Variants in TBC1D10A observed in about 807,000 individuals in gnomAD.
TBC1D10A encodes TBC1 domain family member 10A.
A neutral mutation model predicts 52.9 loss-of-function variants in TBC1D10A; 24 were observed. The ratio of observed to expected loss-of-function variants is 0.45; its 90% CI spans 0.33 to 0.64. The LOEUF is 0.64. Ranked by LOEUF, TBC1D10A falls within the 30% of genes least tolerant of loss-of-function variation. The pLI is 0.02. For missense variants in TBC1D10A, 602 were observed against 687.9 expected (o/e 0.88, Z 1.40); for synonymous variants, 278 against 282.9 (o/e 0.98, Z 0.17).
chr22:30,320,884 GAT>G (rs1214954148), intron 1 of TBC1D10A, among the ~76,000 whole-genome samples: 7 of 152,220 alleles, frequency 4.6e-5, no homozygotes, highest in Admixed American at 4.6e-4. Flanking sequence ...ACATGTCCAA[GAT>G]CACACAGCCA....
At position 30,293,775 on chromosome 22, in the gene TBC1D10A, A is replaced by G. The variant is rs752639120; in HGVS notation, c.926T>C (p.Val309Ala). The G allele has an allele frequency of 1.2e-6, 2 of 1,612,282 alleles. No homozygotes were observed. The highest frequency in any genetic ancestry group is 2.2e-5 in the South Asian group (2 of 91,074). The change falls in exon 8 of 9, where the codon GTG becomes GCG. Residue 309 changes from valine to alanine, a missense_variant. Transcript: ENST00000215790. ...GGAGCCCAGCGCGTGCTTCAGCAGC[A>G]CCAGCCCCACCCGGAAGATGATCTT... ...GVKIIFRVGLVLLKHALGSPE... is the reference protein window; with the variant it reads ...GVKIIFRVGLALLKHALGSPE...
chr22:30,296,023 C>A, intron 3 of TBC1D10A, 180 bp from the exon 4 acceptor site: 1 of 616,244 alleles, frequency 1.6e-6, no homozygotes, highest in Non-Finnish European at 2.8e-6. Context: ...AATGCCTGGG[C>A]AGGGGCAAAG....
At chr22:30,300,214 G>T (rs868413076) in intron 2 of TBC1D10A, among the ~76,000 whole-genome samples, 1 of 151,852 alleles carries the variant, frequency 6.6e-6, no homozygotes, top group Non-Finnish European at 1.5e-5. Flanking sequence ...CTGGGGAGCC[G>T]AGAAGGGCAG....
intron 1 of TBC1D10A, among the ~76,000 whole-genome samples, chr22:30,323,841 C>T (rs1930709298): frequency 6.6e-6 from 1 of 152,052 alleles, no homozygotes; most frequent in Non-Finnish European, 1.5e-5. Context: ...GTGATGGGTG[C>T]AATCTCTGCC....
intron 1 of TBC1D10A, among the ~76,000 whole-genome samples, chr22:30,322,963 C>A (rs572576652): frequency 6.7e-6 from 1 of 149,236 alleles, no homozygotes; most frequent in Admixed American, 6.7e-5. Context: ...CACAGTGGCA[C>A]CATCTTGGCT....
intron 2 of TBC1D10A, among the ~76,000 whole-genome samples, chr22:30,304,235 T>TA (rs1384605581): frequency 2.6e-5 from 4 of 152,230 alleles, no homozygotes; most frequent in Admixed American, 6.5e-5. Context: ...AAGCAGCACT[T>TA]AAGTCCTTCC....
At position 30,292,487 on chromosome 22, in the gene TBC1D10A, T is replaced by C; in HGVS notation, c.1415A>G (p.Lys472Arg). 6.2e-7 allele frequency: 1 copy of C among 1,607,742 alleles called. No individual in the cohort carries two copies. Among genetic ancestry groups the C allele is most frequent in the Non-Finnish European group, 8.5e-7 (1 of 1,176,804 alleles). ...GGCTGAGTCCTTGGGGGCTGAGTCCTTCGGGGGCACATGCTGTGGGGGACA... is the reference window on the plus strand; with the variant it reads ...GGCTGAGTCCTTGGGGGCTGAGTCCCTCGGGGGCACATGCTGTGGGGGACA... The part of the protein sequence containing the change: ...DACPPQHVPP[K>R]DSAPKDSAPQ... The change falls in exon 9 of 9, where the codon AAG becomes AGG. Residue 472 changes from lysine to arginine, a missense_variant. By Grantham distance (26) the Lys-to-Arg change is conservative. This residue lies in a region of TBC1D10A where 265 missense variants were observed against 275.1 expected (regional missense o/e 0.96). Transcript: ENST00000215790.
intron 1 of TBC1D10A, among the ~76,000 whole-genome samples, chr22:30,321,368 G>A (rs903659761): frequency 1.3e-5 from 2 of 152,190 alleles, no homozygotes; most frequent in Non-Finnish European, 2.9e-5. Flanking sequence ...ATCTGTAACA[G>A]CTCAAGAAAA....
intron 1 of TBC1D10A, among the ~76,000 whole-genome samples, chr22:30,315,397 T>A (rs1317633957): frequency 6.6e-6 from 1 of 152,180 alleles, no homozygotes; most frequent in Non-Finnish European, 1.5e-5. Flanking sequence ...ACAATACTCC[T>A]GCTCCCAATG....
chr22:30,293,855 T>C (rs1314480504), intron 7 of TBC1D10A, 50 bp from the exon 8 acceptor site: 9 of 1,601,694 alleles, frequency 5.6e-6, no homozygotes, highest in Middle Eastern at 1.7e-4. Context: ...GGGGTTTCTC[T>C]GCAAAGAGAG....
chr22:30,307,793 C>T (rs1930339613), intron 1 of TBC1D10A: 1 of 152,178 alleles, frequency 6.6e-6, no homozygotes, highest in South Asian at 2.1e-4. Flanking sequence ...TCATTCTCCC[C>T]TTTTTATTTT....
chr22:30,321,504 C>T (rs1930651985), intron 1 of TBC1D10A, among the ~76,000 whole-genome samples: 1 of 152,248 alleles, frequency 6.6e-6, no homozygotes, highest in South Asian at 2.1e-4. Context: ...CCAATTAAGC[C>T]AGTTCTATGA....
At chr22:30,320,003 A>G (rs1930619824) in intron 1 of TBC1D10A, among the ~76,000 whole-genome samples, 3 of 152,196 alleles carry the variant, frequency 2.0e-5, no homozygotes, top group South Asian at 4.1e-4. Flanking sequence ...ACTGGGTGAC[A>G]GTCGGAGGAC....
intron 2 of TBC1D10A, among the ~76,000 whole-genome samples, chr22:30,302,088 C>T (rs1005863074): frequency 1.3e-5 from 2 of 152,170 alleles, no homozygotes; most frequent in African/African-American, 4.8e-5. Context: ...GAACACTTCG[C>T]GGGCAGCAAA....
rs748342362 is a variant in TBC1D10A at position 30,295,888 on chromosome 22, G to A, written c.418-45C>T. The stretch of plus-strand genomic sequence containing the variant: ...TTAGGGGCTGGGGAGGATGGAGGTG[G>A]GCTTTGCTGACAGGACACGGCTGCC... On this transcript the variant is annotated intron_variant, in intron 3 of 8. Transcript: ENST00000215790. The A allele has an allele frequency of 3.2e-6, 5 of 1,560,612 alleles. No homozygotes were observed. The South Asian group carries it at 5.8e-5, about 18-fold the overall frequency.
At chr22:30,313,550 ATTTTTTTTTTTTT>A (rs35640957) in intron 1 of TBC1D10A, among the ~76,000 whole-genome samples, 8 of 42,210 alleles carry the variant, frequency 1.9e-4, no homozygotes, top group Middle Eastern at 0.025. Context: ...CGGCCAGCTA[ATTTTTTTTTTTTT>A]TTTTTTTTTT....
chr22:30,296,775 G>A (rs530995313), intron 3 of TBC1D10A: 11 of 152,286 alleles, frequency 7.2e-5, no homozygotes, highest in Admixed American at 5.9e-4. Flanking sequence ...CAAGATCTAT[G>A]CATTTTACTG....
At chr22:30,293,246 T>G in intron 8 of TBC1D10A, 2 of 605,612 alleles carry the variant, frequency 3.3e-6, no homozygotes, top group Non-Finnish European at 3.2e-6. Flanking sequence ...GGGAGTTGCT[T>G]AGTGATTCTG....
chr22:30,301,040 T>A (rs1275326417), intron 2 of TBC1D10A, among the ~76,000 whole-genome samples: 1 of 151,984 alleles, frequency 6.6e-6, no homozygotes, highest in African/African-American at 2.4e-5. Context: ...TAGGGGAAAA[T>A]TCGTGGGGGA....
Sources: gnomAD v4.1 joint callset for allele counts (sites outside exome capture counted in the v4.1 genomes callset) on GRCh38, gnomAD v4.1.1 for gene constraint, gnomAD v4.1.1 regional missense constraint, MANE v1.5 for transcripts, NCBI Gene and HGNC (gene_info 2026-07-23, HGNC 2026-07-21) for gene names.